The following PPEF1 variants were observed in gnomAD, a reference collection of about 807,000 sequenced individuals.
PPEF1 encodes the protein protein phosphatase with EF-hand domain 1.
In PPEF1, 12 loss-of-function variants were observed where a neutral mutation model predicts 53.3. The ratio of observed to expected loss-of-function variants is 0.23; its 90% CI spans 0.14 to 0.36. The LOEUF is 0.36. Ranked by LOEUF, PPEF1 falls within the 10% of genes least tolerant of loss-of-function variation. The probability of loss-of-function intolerance (pLI) is 1.00; values close to 1 mark genes in which losing one functional copy is unlikely to be tolerated. For missense variants in PPEF1, 334 were observed against 490.4 expected, an observed-to-expected ratio of 0.68 and a Z score of 3.01; for synonymous variants, 165 against 176.7, an observed-to-expected ratio of 0.93 and a Z score of 0.52.
chrX:18,818,670 C>G (rs2046969879), intron 13 of PPEF1, among the ~76,000 whole-genome samples: 1 of 111,863 alleles, frequency 8.9e-6, no homozygotes, highest in Admixed American at 9.6e-5. Flanking sequence ...GGCCCTAAAC[C>G]TCTATTCTGA....
At chrX:18,788,671 C>T (rs1292986484) in intron 9 of PPEF1, among the ~76,000 whole-genome samples, 1 of 111,570 alleles carries the variant, frequency 9.0e-6, no homozygotes, top group Non-Finnish European at 1.9e-5. Flanking sequence ...TTCTTGGACA[C>T]AGATGTACCT....
chrX:18,710,915 A>C (rs73458632), intron 1 of PPEF1, among the ~76,000 whole-genome samples: 4,480 of 110,893 alleles, frequency 0.04, 226 homozygotes, highest in African/African-American at 0.14. Flanking sequence ...AATAGCAAAG[A>C]TATGGAATCA....
chrX:18,818,112 C>A lies in PPEF1; in HGVS notation c.1468C>A (p.Arg490Ser). The A allele has an allele frequency of 8.3e-7, 1 of 1,202,791 alleles. No individual in the cohort carries two copies. ...RVISRKSDLT[R>S]AFQLQDHRKS... ...GATTTCACGAAAAAGTGACCTTACTCGTGCTTTCCAACTTCAAGACCACAG... is the reference window on the plus strand; with the variant it reads ...GATTTCACGAAAAAGTGACCTTACTAGTGCTTTCCAACTTCAAGACCACAG... The change falls in exon 13 of 16, where the codon CGT (arginine) becomes AGT (serine). Residue 490 changes from arginine (R) to serine (S), a missense_variant. Transcript: ENST00000470157.
intron 12 of PPEF1, among the ~76,000 whole-genome samples, chrX:18,811,605 ATATATATATATTTTTTTTTT>A (rs1738449354): frequency 2.4e-4 from 4 of 16,830 alleles, no homozygotes; most frequent in South Asian, 1.5e-3. Flanking sequence ...ATATATATAT[ATATATATATATTTTTTTTTT>A]TTTTTTTTTT....
intron 3 of PPEF1, among the ~76,000 whole-genome samples, chrX:18,734,883 G>A (rs1220995439): frequency 3.6e-5 from 4 of 112,143 alleles, no homozygotes; most frequent in Non-Finnish European, 5.6e-5. Flanking sequence ...GGCCAGTGAC[G>A]ATGAGCATTT....
chrX:18,818,524 C>T (rs1274075071), intron 13 of PPEF1, among the ~76,000 whole-genome samples: 1 of 110,209 alleles, frequency 9.1e-6, no homozygotes, highest in Non-Finnish European at 1.9e-5. Context: ...GCATACACCA[C>T]CACGCCCAGC....
chrX:18,791,732 A>T (rs756357151), intron 10 of PPEF1, among the ~76,000 whole-genome samples: 1 of 111,842 alleles, frequency 8.9e-6, no homozygotes, highest in Non-Finnish European at 1.9e-5. Flanking sequence ...GTTGAATAAA[A>T]GTGAAGAGAG....
chrX:18,824,210 G>A, intron 14 of PPEF1, 124 bp downstream of exon 14: 1 of 713,057 alleles, frequency 1.4e-6, no homozygotes, highest in Non-Finnish European at 1.9e-6. Context: ...CGGAGGCCAA[G>A]GCGGGCAGAT....
At chrX:18,766,065 C>CAAAAAAA (rs61277288) in intron 6 of PPEF1, among the ~76,000 whole-genome samples, 11 of 63,796 alleles carry the variant, frequency 1.7e-4, no homozygotes, top group East Asian at 1.3e-3. Flanking sequence ...AACTCTGTCT[C>CAAAAAAA]AAAAAAAAAA....
chrX:18,719,590 G>T (rs2044536278), intron 1 of PPEF1, among the ~76,000 whole-genome samples: 2 of 110,171 alleles, frequency 1.8e-5, no homozygotes, highest in African/African-American at 3.3e-5. Flanking sequence ...CAAGAGATCT[G>T]CCCGCCTCGG....
At chrX:18,822,093 A>G (rs2047073405) in intron 13 of PPEF1, among the ~76,000 whole-genome samples, 1 of 111,939 alleles carries the variant, frequency 8.9e-6, no homozygotes, top group South Asian at 3.7e-4. Context: ...CGTCTCCCAC[A>G]CACTAATGGT....
At chrX:18,751,657 G>A (rs768942438) in intron 4 of PPEF1, among the ~76,000 whole-genome samples, 9 of 112,109 alleles carry the variant, frequency 8.0e-5, no homozygotes, top group South Asian at 3.7e-4. Context: ...GCTCATGCCT[G>A]TAATCCCAGC....
intron 10 of PPEF1, among the ~76,000 whole-genome samples, chrX:18,803,251 CA>C (rs373987666): frequency 1.9e-4 from 21 of 113,177 alleles, no homozygotes; most frequent in African/African-American, 6.7e-4. Context: ...CCCTAAGGCA[CA>C]GATCGCTCAT....
upstream of PPEF1, among the ~76,000 whole-genome samples, chrX:18,706,799 G>C (rs1361609401): frequency 7.5e-5 from 8 of 106,958 alleles, no homozygotes; most frequent in Non-Finnish European, 1.4e-4. Flanking sequence ...CCTAAATTTG[G>C]GGGGAGGTTT....
At chrX:18,763,919 C>T (rs2001111) in intron 6 of PPEF1, among the ~76,000 whole-genome samples, 49,394 of 109,031 alleles carry the variant, frequency 0.45, 8,604 homozygotes, top group Non-Finnish European at 0.54. Flanking sequence ...GAAGTCCAGG[C>T]GAAGGTTTGC....
At chrX:18,689,462 C>T (rs766874041) in intron 3 of PPEF1, among the ~76,000 whole-genome samples, 7 of 104,671 alleles carry the variant, frequency 6.7e-5, no homozygotes, top group African/African-American at 1.7e-4. Flanking sequence ...AGCCTGGGCG[C>T]GATCATAGCT....
chrX:18,677,613 A>G (rs917234434), intron 1 of PPEF1, among the ~76,000 whole-genome samples: 10 of 109,961 alleles, frequency 9.1e-5, no homozygotes, highest in Non-Finnish European at 1.9e-5. Flanking sequence ...TGTACCCCCA[A>G]CCCTAATCTC....
intron 6 of PPEF1, among the ~76,000 whole-genome samples, 155 bp from the exon 7 acceptor site, chrX:18,778,855 G>C (rs1207629814): frequency 1.8e-5 from 2 of 111,362 alleles, no homozygotes; most frequent in Admixed American, 9.6e-5. Context: ...CCGTGGAAGA[G>C]TAAAACTGGC....
chrX:18,780,789 T>G (rs2046067021), intron 7 of PPEF1, among the ~76,000 whole-genome samples: 1 of 110,468 alleles, frequency 9.1e-6, no homozygotes, highest in African/African-American at 3.3e-5. Flanking sequence ...GCATGGTAGC[T>G]CGCGCCTGTA....
Sources: gnomAD v4.1 joint callset for allele counts (sites outside exome capture counted in the v4.1 genomes callset) on GRCh38, gnomAD v4.1.1 for gene constraint, MANE v1.5 for transcripts, NCBI Gene and HGNC (gene_info 2026-07-23, HGNC 2026-07-21) for gene names.